Variants in OPTN observed in about 807,000 individuals in gnomAD.
OPTN encodes E3-14.7K-interacting protein.
In OPTN, 54 loss-of-function variants were observed where a neutral mutation model predicts 70.4. The observed-to-expected ratio is 0.77, with a 90% CI of 0.62 to 0.96. OPTN has a LOEUF of 0.96. Among genes scored for constraint, OPTN ranks in the 40% least tolerant of loss-of-function variants. The pLI is 0.00. For synonymous variants in OPTN, 256 were observed against 248.5 expected, an observed-to-expected ratio of 1.03 and a Z score of -0.28; for missense variants, 624 against 673.2, an observed-to-expected ratio of 0.93 and a Z score of 0.81.
intron 2 of OPTN, chr10:13,108,878 A>G: frequency 1.9e-6 from 1 of 513,500 alleles, no homozygotes; most frequent in Non-Finnish European, 3.6e-6. Context: ...CCATACACAC[A>G]CACGCACACA....
chr10:13,136,872 G>A lies in OPTN; in HGVS notation c.*6G>A. ...TGATGGATTGCATCATTTAAGTGTT[G>A]ATGTATCACCTCCCCAAAACTGTTG... On this transcript the variant is annotated 3_prime_UTR_variant, in exon 15 of 15. Transcript: ENST00000378747. 6.2e-7 allele frequency: 1 copy of A among 1,614,148 alleles called. No individual in the cohort carries two copies. Among genetic ancestry groups the A allele is most frequent in the Non-Finnish European group, 8.5e-7 (1 of 1,180,008 alleles).
At position 13,137,341 on chromosome 10, in the gene OPTN, T is replaced by TTG; in HGVS notation, c.*475_*476insTG. 3.3e-6 allele frequency: 1 copy of TTG among 301,362 alleles called. No individual in the cohort carries two copies. The highest frequency in any genetic ancestry group is 6.1e-5 in the South Asian group (1 of 16,446). 18.7% of individuals were successfully genotyped at this position (301,362 alleles called of 1,614,324 possible). ...AGGAAGGAGAAGAAAAGGTACCTGT[T>TTG]CTACGTAGAACACCTTTGGTGGAGT... On this transcript the variant is annotated 3_prime_UTR_variant, in exon 15 of 15. Transcript: ENST00000378747.
intron 5 of OPTN, among the ~76,000 whole-genome samples, chr10:13,113,419 G>A (rs1833052574): frequency 6.6e-6 from 1 of 152,214 alleles, no homozygotes; most frequent in African/African-American, 2.4e-5. Flanking sequence ...TGCTCTGGTT[G>A]TAGGTTGAGG....
In OPTN at chr10:13,137,219, C is replaced by G; in HGVS notation, c.*353C>G. ...GCTTGAACCCAGGAAGTGGCAGTTG[C>G]AGTGAGCCGAGACGACACCACTGCA... On this transcript the variant is annotated 3_prime_UTR_variant, in exon 15 of 15. Coordinates refer to ENST00000378747, the MANE Select transcript of OPTN (RefSeq NM_001008212.2). 2.4e-6 allele frequency: 1 copy of G among 410,744 alleles called. No individual in the cohort carries two copies. Among genetic ancestry groups the G allele is most frequent in the Non-Finnish European group, 4.6e-6 (1 of 216,356 alleles). 25.4% of individuals were successfully genotyped at this position (410,744 alleles called of 1,614,324 possible).
At position 13,102,966 on chromosome 10, in the gene OPTN, T is replaced by G. The variant is rs181136161; in HGVS notation, c.-164+2664T>G. 1.7e-3 allele frequency among the ~76,000 whole-genome samples: 249 copies of G among 148,080 alleles called. 2 individuals are homozygous for G. The highest frequency in any genetic ancestry group is 5.8e-3 in the African/African-American group (233 of 40,426). On this transcript the variant is annotated intron_variant, in intron 1 of 14. Transcript: ENST00000378747. ...TTAATTTAAAAAAAAAAAGAAAAAA[T>G]AAATATTTAGGAGGTAGAGGTGATG...
intron 4 of OPTN, among the ~76,000 whole-genome samples, chr10:13,112,129 G>T (rs1266237601): frequency 6.7e-6 from 1 of 149,440 alleles, no homozygotes; most frequent in Admixed American, 6.7e-5. Flanking sequence ...GATTACAGGC[G>T]TGAGCCACCA....
rs568470843 is a variant in OPTN, at chr10:13,123,114, G to C, written c.882+627G>C. 43 of 155,476 alleles carry C rather than the reference G, an allele frequency of 2.8e-4. 1 individual carries two copies. In the South Asian group the frequency reaches 8.4e-3, roughly 30 times the overall value. The allele number at this position is 155,476 out of a possible 1,614,324, so 9.6% of individuals were successfully genotyped here. A position where few individuals can be genotyped will look rare whatever the true frequency, so the allele number is the denominator to read the frequency against. ...CCACTTTATAATGAGATCATTTGAG[G>C]ATATGACTTAGAAACTTGAGGGAGA... On this transcript the variant is annotated intron_variant, in intron 8 of 14. Transcript: ENST00000378747.
chr10:13,102,969 A>T (rs1344959038), intron 1 of OPTN, among the ~76,000 whole-genome samples: 1 of 151,864 alleles, frequency 6.6e-6, no homozygotes, highest in Non-Finnish European at 1.5e-5. Flanking sequence ...GAAAAAATAA[A>T]TATTTAGGAG....
intron 12 of OPTN, among the ~76,000 whole-genome samples, chr10:13,129,501 C>G (rs1564367453): frequency 1.3e-5 from 2 of 152,104 alleles, no homozygotes; most frequent in Non-Finnish European, 2.9e-5. Context: ...TACAGGCGCA[C>G]ACCACCACGC....
intron 1 of OPTN, among the ~76,000 whole-genome samples, chr10:13,104,410 C>T (rs1308935928): frequency 7.0e-6 from 1 of 143,140 alleles, no homozygotes; most frequent in Non-Finnish European, 1.5e-5. Flanking sequence ...AGGCATGCAC[C>T]ACTACACCCA....
chr10:13,122,328 G>A, intron 7 of OPTN, 57 bp from the exon 8 acceptor site: 1 of 1,169,148 alleles, frequency 8.6e-7, no homozygotes, highest in Non-Finnish European at 1.3e-6. Flanking sequence ...TGTAATAATT[G>A]CTATTTCTCT....
intron 8 of OPTN, among the ~76,000 whole-genome samples, chr10:13,123,731 G>A (rs1231286555): frequency 6.6e-6 from 1 of 152,170 alleles, no homozygotes; most frequent in African/African-American, 2.4e-5. Context: ...TTTTAATAGC[G>A]ATAAAGTCAT....
chr10:13,107,204 G>C (rs1325755385), intron 1 of OPTN, among the ~76,000 whole-genome samples: 2 of 151,322 alleles, frequency 1.3e-5, no homozygotes, highest in African/African-American at 4.8e-5. Context: ...ATGAAACCCC[G>C]TCTCTACTAA....
chr10:13,125,384 T>C lies in OPTN; in HGVS notation c.999-34T>C, dbSNP rs779732975. On this transcript the variant is annotated intron_variant, in intron 9 of 14. Coordinates refer to ENST00000378747, the MANE Select transcript of OPTN (RefSeq NM_001008212.2). ...AAAGCCACTGCGACGTAAAGGAGCA[T>C]TGTTTATCCTCATGAAATCTTGACC... The C allele has an allele frequency of 5.6e-6, 9 of 1,613,314 alleles. No individual in the cohort carries two copies. The East Asian group carries it at 1.3e-4, about 24-fold the overall frequency.
chr10:13,103,048 C>T (rs1310132282), intron 1 of OPTN, among the ~76,000 whole-genome samples: 1 of 152,130 alleles, frequency 6.6e-6, no homozygotes, highest in Non-Finnish European at 1.5e-5. Flanking sequence ...TCAAGCCTTA[C>T]TCCCAGGTTC....
intron 7 of OPTN, among the ~76,000 whole-genome samples, chr10:13,121,232 T>C (rs1460438398): frequency 1.3e-5 from 2 of 152,162 alleles, no homozygotes; most frequent in Non-Finnish European, 2.9e-5. Context: ...GACTTGAAAT[T>C]GCACTCGAGA....
At chr10:13,113,639 A>G (rs1036563955) in intron 5 of OPTN, among the ~76,000 whole-genome samples, 2 of 152,156 alleles carry the variant, frequency 1.3e-5, no homozygotes, top group African/African-American at 4.8e-5. Flanking sequence ...AGGTCGATGC[A>G]CCAGCTGGGG....
At chr10:13,136,065 T>C (rs1397263750) in intron 14 of OPTN, among the ~76,000 whole-genome samples, 3 of 152,116 alleles carry the variant, frequency 2.0e-5, no homozygotes, top group Non-Finnish European at 4.4e-5. Context: ...CACGTGCCTG[T>C]AGTCGCAGCT....
At chr10:13,108,544 CTTTT>C (rs34105780) in intron 2 of OPTN, among the ~76,000 whole-genome samples, 2 of 139,422 alleles carry the variant, frequency 1.4e-5, no homozygotes, top group Non-Finnish European at 3.1e-5. Flanking sequence ...TTATTGTACC[CTTTT>C]TTTTTTTTTT....
Sources: gnomAD v4.1 joint callset for allele counts (sites outside exome capture counted in the v4.1 genomes callset) on GRCh38, gnomAD v4.1.1 for gene constraint, MANE v1.5 for transcripts, NCBI Gene and HGNC (gene_info 2026-07-23, HGNC 2026-07-21) for gene names.